Variants in ZNF782 observed in about 807,000 individuals in gnomAD.
ZNF782 encodes zinc finger protein 782.
A neutral mutation model predicts 13.0 loss-of-function variants in ZNF782; 12 were observed. The ratio of observed to expected loss-of-function variants is 0.92; its 90% CI spans 0.59 to 1.50. The LOEUF (loss-of-function observed/expected upper bound fraction) is 1.50. ZNF782 is among the 40% of genes most tolerant of loss of function. ZNF782 has a pLI of 0.00. For missense variants in ZNF782, 770 were observed against 822.9 expected (o/e 0.94, Z 0.79); for synonymous variants, 284 against 283.0 (o/e 1.00, Z -0.04).
At chr9:96,855,861 A>C (rs1851634589), upstream of ZNF782, among the ~76,000 whole-genome samples, 1 of 152,212 alleles carries the variant, frequency 6.6e-6, no homozygotes, top group Admixed American at 6.5e-5. Context: ...GTACTAGTTT[A>C]CATTCCCACC....
At chr9:96,876,323 A>G (rs1851892231), upstream of ZNF782, among the ~76,000 whole-genome samples, 1 of 152,268 alleles carries the variant, frequency 6.6e-6, no homozygotes, top group Non-Finnish European at 1.5e-5. Context: ...AATTCACTTT[A>G]CAATTTTTCA....
chr9:96,840,589 G>A (rs1221672113), intron 4 of ZNF782, among the ~76,000 whole-genome samples: 3 of 151,864 alleles, frequency 2.0e-5, no homozygotes, highest in African/African-American at 4.8e-5. Context: ...AACTGCACTG[G>A]TGTCTATCAA....
chr9:96,913,639 T>C, the ZNF782 span, among the ~76,000 whole-genome samples: 3 of 151,046 alleles, frequency 2.0e-5, no homozygotes, highest in Non-Finnish European at 4.4e-5. Flanking sequence ...TTCTCCTGCC[T>C]CCGCCTCCCA....
At chr9:96,876,103 A>G (rs1035056573), upstream of ZNF782, among the ~76,000 whole-genome samples, 1 of 152,228 alleles carries the variant, frequency 6.6e-6, no homozygotes, top group Non-Finnish European at 1.5e-5. Context: ...TTGCTGCCGA[A>G]TACGGTGCGT....
chr9:96,875,360 G>C (rs909918406), intron 1 of ZNF782: 2 of 412,996 alleles, frequency 4.8e-6, no homozygotes, highest in Non-Finnish European at 4.9e-6. Context: ...TTACAGCCAA[G>C]TGTATGATTT....
chr9:96,899,532 G>A, the ZNF782 span, among the ~76,000 whole-genome samples: 4 of 152,256 alleles, frequency 2.6e-5, no homozygotes, highest in South Asian at 8.3e-4. Context: ...CAGAATACCT[G>A]AAACCAGGTA....
chr9:96,918,354 C>T, the ZNF782 span, among the ~76,000 whole-genome samples: 6 of 145,936 alleles, frequency 4.1e-5, no homozygotes, highest in East Asian at 1.2e-3. Context: ...AGGTTGCAGT[C>T]AGCTGGGATC....
rs771804508 is a variant in ZNF782 at position 96,819,044 on chromosome 9, C to A, written c.979G>T (p.Val327Leu). The A allele has an allele frequency of 6.2e-7, 1 of 1,614,144 alleles. No homozygotes were observed. Among genetic ancestry groups the A allele is most frequent in the South Asian group, 1.1e-5 (1 of 91,084 alleles). Residue 327 changes from valine (V) to leucine (L), a missense_variant, in exon 6 of 6, where the codon GTG (valine) becomes TTG (leucine). Coordinates refer to ENST00000481138, the MANE Select transcript of ZNF782 (RefSeq NM_001001662.3). ...TCTGTTGCATGAGTTCTCTGATGCA[C>A]TGGGAGGGTTGAATTACGGTTGAAA... is the stretch of plus-strand genomic sequence containing the variant. Reference protein sequence around the residue: ...KSFNRNSTLPVHQRTHATDKY... With the variant: ...KSFNRNSTLPLHQRTHATDKY...
chr9:96,845,662 T>C (rs772617009), intron 3 of ZNF782, among the ~76,000 whole-genome samples: 1 of 151,278 alleles, frequency 6.6e-6, no homozygotes, highest in Non-Finnish European at 1.5e-5. Context: ...GAAAAAAGAA[T>C]AAAAAGAAAC....
chr9:96,878,919 A>G (rs756327493), upstream of ZNF782, among the ~76,000 whole-genome samples: 9 of 152,250 alleles, frequency 5.9e-5, no homozygotes, highest in Non-Finnish European at 1.2e-4. Context: ...CTCCAACACC[A>G]GATAGCAAGC....
chr9:96,929,950 G>A, the ZNF782 span, among the ~76,000 whole-genome samples: 3 of 151,976 alleles, frequency 2.0e-5, no homozygotes, highest in African/African-American at 4.8e-5. Context: ...GGAGAGTAGC[G>A]CACAAATAGG....
At chr9:96,881,704 T>C in the ZNF782 span, among the ~76,000 whole-genome samples, 78 of 152,260 alleles carry the variant, frequency 5.1e-4, no homozygotes, top group East Asian at 0.014. Flanking sequence ...GGCACCTCTG[T>C]AGAAAATCAG....
chr9:96,919,962 G>C, the ZNF782 span, among the ~76,000 whole-genome samples: 1 of 151,588 alleles, frequency 6.6e-6, no homozygotes, highest in African/African-American at 2.4e-5. Context: ...AGTAATATAA[G>C]ATTATTATTC....
the ZNF782 span, among the ~76,000 whole-genome samples, chr9:96,902,252 T>C: frequency 8.0e-5 from 12 of 150,584 alleles, no homozygotes; most frequent in Admixed American, 7.9e-4. Flanking sequence ...GGTGAAGCCC[T>C]GTCTCTACTA....
rs1850651528 is a variant in ZNF782, at chr9:96,827,146, A to G, written c.178T>C (p.Leu60=). ...CFTKPELIFT[L]EQGEDPWLLE... The stretch of plus-strand genomic sequence containing the variant: ...AACCATGGATCTTCTCCTTGTTCCA[A>G]TGTGAAGATCAGTTCTGGTTTTGTA... Residue 60 remains leucine (L), a synonymous_variant, in exon 5 of 6, where the codon TTG becomes CTG. Transcript: ENST00000481138. The G allele has an allele frequency of 3.1e-6, 5 of 1,612,394 alleles. No homozygotes were observed. Among genetic ancestry groups the G allele is most frequent in the African/African-American group, 1.3e-5 (1 of 74,820 alleles).
chr9:96,873,939 A>C (rs1349063478), intron 1 of ZNF782, among the ~76,000 whole-genome samples: 1 of 152,186 alleles, frequency 6.6e-6, no homozygotes, highest in Non-Finnish European at 1.5e-5. Flanking sequence ...ATATCTGGGA[A>C]AGATTTGTTG....
At chr9:96,879,130 GC>G (rs749312076), upstream of ZNF782, among the ~76,000 whole-genome samples, 318 of 152,272 alleles carry the variant, frequency 2.1e-3, 2 homozygotes, top group Non-Finnish European at 3.5e-3. Context: ...GTAGATGCTG[GC>G]ATAATAACAA....
At position 96,833,789 on chromosome 9, in the gene ZNF782, A is replaced by G. The variant is rs150752427; in HGVS notation, c.143-6608T>C. ...TACATAAATTATTAGGAATTTTTCTATTTGGGAGATTTTCTATTCTCTCTT... is the reference window on the plus strand; with the variant it reads ...TACATAAATTATTAGGAATTTTTCTGTTTGGGAGATTTTCTATTCTCTCTT... On this transcript the variant is annotated intron_variant, in intron 4 of 5. Coordinates refer to ENST00000481138, the MANE Select transcript of ZNF782 (RefSeq NM_001001662.3). Among the ~76,000 whole-genome samples, 780 of 152,236 alleles carry G rather than the reference A, an allele frequency of 5.1e-3. 18 individuals carry two copies. Among genetic ancestry groups the G allele is most frequent in the Admixed American group, 0.042 (644 of 15,294 alleles).
chr9:96,921,839 G>T, the ZNF782 span, among the ~76,000 whole-genome samples: 1 of 150,740 alleles, frequency 6.6e-6, no homozygotes, highest in Admixed American at 6.6e-5. Flanking sequence ...GATCACAGGC[G>T]CCCACAACCA....
Sources: gnomAD v4.1 joint callset for allele counts (sites outside exome capture counted in the v4.1 genomes callset) on GRCh38, gnomAD v4.1.1 for gene constraint, MANE v1.5 for transcripts, NCBI Gene and HGNC (gene_info 2026-07-23, HGNC 2026-07-21) for gene names.